Variants in TASP1 observed in about 807,000 individuals in gnomAD.
TASP1 encodes the protein threonine aspartase 1.
In TASP1, 16 loss-of-function variants were observed where a neutral mutation model predicts 56.6. That is an observed-to-expected ratio of 0.28 (90% CI 0.19 to 0.43). TASP1 has a LOEUF of 0.43. TASP1 is among the 20% of genes least tolerant of loss of function. The pLI, the probability that TASP1 is intolerant of heterozygous loss-of-function variation, is 1.00. For synonymous variants in TASP1, 179 were observed against 184.2 expected, an observed-to-expected ratio of 0.97 and a Z score of 0.23; for missense variants, 393 against 511.6, an observed-to-expected ratio of 0.77 and a Z score of 2.24.
At chr20:13,106,976 G>A in the TASP1 span, among the ~76,000 whole-genome samples, 1 of 152,210 alleles carries the variant, frequency 6.6e-6, no homozygotes, top group Non-Finnish European at 1.5e-5. Context: ...ACAGAAGAAG[G>A]AACTCAAATG....
chr20:13,115,514 ATGGCTATTTG>A, the TASP1 span, among the ~76,000 whole-genome samples: 11 of 152,176 alleles, frequency 7.2e-5, no homozygotes, highest in African/African-American at 2.4e-4. Flanking sequence ...GAACAAAAAA[ATGGCTATTTG>A]TGGCATGTCA....
chr20:13,622,441 A>G (rs1245692600), intron 4 of TASP1, among the ~76,000 whole-genome samples: 1 of 152,210 alleles, frequency 6.6e-6, no homozygotes, highest in African/African-American at 2.4e-5. Flanking sequence ...ATTAGGACCA[A>G]TCTGAGAAAT....
At chr20:13,312,502 CAG>C in the TASP1 span, among the ~76,000 whole-genome samples, 1 of 152,196 alleles carries the variant, frequency 6.6e-6, no homozygotes, top group Non-Finnish European at 1.5e-5. Context: ...CTGAGATAAA[CAG>C]AGCACTAGAC....
In TASP1 at chr20:13,591,773, G is replaced by C. The variant is rs148548867; in HGVS notation, c.283-4403C>G. On this transcript the variant is annotated intron_variant, in intron 4 of 13. Transcript: ENST00000337743. The stretch of plus-strand genomic sequence containing the variant: ...TATCATGGGGTTTATAACATATACA[G>C]GTGCAAACTATAGGGCACAAGTAGC... Among the ~76,000 whole-genome samples the C allele has an allele frequency of 2.7e-3, 412 of 152,156 alleles. 1 individual carries two copies. Among genetic ancestry groups the C allele is most frequent in the African/African-American group, 9.6e-3 (398 of 41,526 alleles).
chr20:13,553,154 G>A (rs994656787), intron 8 of TASP1, among the ~76,000 whole-genome samples: 3 of 152,100 alleles, frequency 2.0e-5, no homozygotes, highest in Non-Finnish European at 2.9e-5. Flanking sequence ...ATGTTATCCA[G>A]GCTGGTCTCG....
At chr20:13,604,376 CCT>C (rs776129912) in intron 4 of TASP1, among the ~76,000 whole-genome samples, 3 of 152,104 alleles carry the variant, frequency 2.0e-5, no homozygotes, top group Non-Finnish European at 2.9e-5. Context: ...CCACCTCTTC[CCT>C]CTCTTTCTTG....
At chr20:13,136,747 T>C in the TASP1 span, among the ~76,000 whole-genome samples, 1 of 148,098 alleles carries the variant, frequency 6.8e-6, no homozygotes, top group Admixed American at 6.8e-5. Flanking sequence ...ATATATAATA[T>C]ATAGGGAGAG....
At chr20:13,145,745 C>T in the TASP1 span, among the ~76,000 whole-genome samples, 1 of 152,170 alleles carries the variant, frequency 6.6e-6, no homozygotes, top group East Asian at 1.9e-4. Context: ...CACTATACTA[C>T]AAGGCTACAG....
chr20:13,202,380 G>C, the TASP1 span, among the ~76,000 whole-genome samples: 2 of 152,100 alleles, frequency 1.3e-5, no homozygotes, highest in African/African-American at 4.8e-5. Flanking sequence ...GAGGAAATAA[G>C]TTTTGAGTAT....
chr20:13,367,805 A>G, the TASP1 span, among the ~76,000 whole-genome samples: 1 of 152,216 alleles, frequency 6.6e-6, no homozygotes, highest in Non-Finnish European at 1.5e-5. Flanking sequence ...TGCTGAAGGA[A>G]GATTCCTCCA....
At chr20:13,141,591 G>A in the TASP1 span, among the ~76,000 whole-genome samples, 3 of 152,128 alleles carry the variant, frequency 2.0e-5, no homozygotes, top group African/African-American at 7.2e-5. Flanking sequence ...CGCCCAAAAT[G>A]TACTGTCTGA....
At chr20:13,333,627 G>A in the TASP1 span, among the ~76,000 whole-genome samples, 1 of 152,276 alleles carries the variant, frequency 6.6e-6, no homozygotes, top group South Asian at 2.1e-4. Flanking sequence ...AAACAGCTTG[G>A]TGCCACAATG....
intron 13 of TASP1, among the ~76,000 whole-genome samples, chr20:13,412,812 T>C (rs1219557765): frequency 6.6e-6 from 1 of 152,210 alleles, no homozygotes; most frequent in African/African-American, 2.4e-5. Flanking sequence ...TTATGTAATC[T>C]GGAATGTTGA....
At chr20:13,431,333 T>A (rs1020821323) in intron 12 of TASP1, among the ~76,000 whole-genome samples, 1 of 152,166 alleles carries the variant, frequency 6.6e-6, no homozygotes, top group Non-Finnish European at 1.5e-5. Flanking sequence ...GAGCAACTGA[T>A]AGAAAGGAGA....
the TASP1 span, among the ~76,000 whole-genome samples, chr20:13,197,097 G>A: frequency 6.6e-6 from 1 of 152,188 alleles, no homozygotes; most frequent in East Asian, 1.9e-4. Context: ...AGTGTCACCA[G>A]GTTAATGAGC....
chr20:13,279,830 C>T, the TASP1 span: 5 of 1,614,016 alleles, frequency 3.1e-6, no homozygotes, highest in South Asian at 5.5e-5. Context: ...TTCCTCAACC[C>T]CCCCAGGGGG....
intron 10 of TASP1, among the ~76,000 whole-genome samples, chr20:13,495,577 T>C (rs2043691210): frequency 6.6e-6 from 1 of 152,114 alleles, no homozygotes; most frequent in Non-Finnish European, 1.5e-5. Context: ...CTAGAAAAAT[T>C]ATCAGATGAA....
chr20:13,216,330 C>G, the TASP1 span, among the ~76,000 whole-genome samples: 3 of 152,156 alleles, frequency 2.0e-5, no homozygotes, highest in Admixed American at 1.3e-4. Flanking sequence ...TAAGTGAAGT[C>G]CATCTGACTA....
intron 8 of TASP1, among the ~76,000 whole-genome samples, chr20:13,557,008 A>G (rs1384123298): frequency 6.6e-6 from 1 of 152,124 alleles, no homozygotes; most frequent in African/African-American, 2.4e-5. Flanking sequence ...GTTCACCATT[A>G]TTTTCTTACT....
Sources: gnomAD v4.1 joint callset for allele counts (sites outside exome capture counted in the v4.1 genomes callset) on GRCh38, gnomAD v4.1.1 for gene constraint, MANE v1.5 for transcripts, NCBI Gene and HGNC (gene_info 2026-07-23, HGNC 2026-07-21) for gene names.